The following CCNY variants were observed in gnomAD, a reference collection of about 807,000 sequenced individuals.
CCNY encodes cyclin Y, also known as cyclin-Y.
CCNY carries 19 observed loss-of-function variants against 42.8 expected under a neutral mutation model. The observed-to-expected ratio is 0.44, with a 90% CI of 0.31 to 0.65. The LOEUF is 0.65. CCNY is among the 30% of genes least tolerant of loss of function. CCNY has a pLI of 0.07. For synonymous variants in CCNY, 165 were observed against 162.7 expected, an observed-to-expected ratio of 1.01 and a Z score of -0.11; for missense variants, 370 against 437.3, an observed-to-expected ratio of 0.85 and a Z score of 1.37.
At chr10:35,274,723 T>C (rs1835217451) in intron 3 of CCNY, among the ~76,000 whole-genome samples, 2 of 152,166 alleles carry the variant, frequency 1.3e-5, no homozygotes, top group Non-Finnish European at 2.9e-5. Context: ...CTGAAATGTA[T>C]ACTGTTTCGT....
intron 3 of CCNY, among the ~76,000 whole-genome samples, chr10:35,286,370 T>G (rs1316549805): frequency 6.6e-6 from 1 of 151,832 alleles, no homozygotes; most frequent in Non-Finnish European, 1.5e-5. Context: ...TACTTTTTTT[T>G]TTTTTTGAGA....
chr10:35,475,289 G>A (rs1005727528), intron 1 of CCNY, among the ~76,000 whole-genome samples: 40 of 152,130 alleles, frequency 2.6e-4, no homozygotes, highest in African/African-American at 8.7e-4. Context: ...TACAGAGAAC[G>A]CCACAAAGAT....
intron 1 of CCNY, among the ~76,000 whole-genome samples, chr10:35,481,332 C>G (rs1240949770): frequency 6.6e-6 from 1 of 152,192 alleles, no homozygotes; most frequent in African/African-American, 2.4e-5. Context: ...GCATAGAACC[C>G]CAATCTGCAG....
chr10:35,535,010 T>C (rs1840854729), intron 7 of CCNY, among the ~76,000 whole-genome samples: 1 of 144,742 alleles, frequency 6.9e-6, no homozygotes, highest in African/African-American at 2.7e-5. Context: ...TGTGTGTGTG[T>C]GTGTGTGTGT....
At chr10:35,449,744 G>A (rs1838874887) in intron 1 of CCNY, 1 of 985,200 alleles carries the variant, frequency 1.0e-6, no homozygotes, top group Admixed American at 6.1e-5. Flanking sequence ...AGATGGCAGG[G>A]TGAGCACAAT....
intron 3 of CCNY, among the ~76,000 whole-genome samples, chr10:35,306,821 C>A (rs904970895): frequency 6.6e-6 from 1 of 152,056 alleles, no homozygotes; most frequent in African/African-American, 2.4e-5. Flanking sequence ...GTTTTTAGGA[C>A]GCTCTTTAAA....
intron 7 of CCNY, 70 bp from the exon 8 acceptor site, chr10:35,552,949 A>G (rs1200395811): frequency 7.6e-6 from 11 of 1,449,382 alleles, no homozygotes; most frequent in Non-Finnish European, 9.5e-6. Context: ...ATATTTTAGC[A>G]TTTCTTGAGG....
At chr10:35,303,288 C>G (rs1835559566) in intron 3 of CCNY, among the ~76,000 whole-genome samples, 2 of 151,878 alleles carry the variant, frequency 1.3e-5, no homozygotes, top group African/African-American at 4.8e-5. Context: ...TCAAGCAATT[C>G]TCCTGCCTCA....
At chr10:35,426,419 A>C (rs1387876765) in intron 1 of CCNY, among the ~76,000 whole-genome samples, 1 of 152,142 alleles carries the variant, frequency 6.6e-6, no homozygotes, top group East Asian at 1.9e-4. Flanking sequence ...ACCCCAGAAA[A>C]CACCACAGTT....
chr10:35,274,535 C>A (rs1156871872), intron 3 of CCNY, among the ~76,000 whole-genome samples: 1 of 152,194 alleles, frequency 6.6e-6, no homozygotes, highest in Non-Finnish European at 1.5e-5. Context: ...CTGCAAATGG[C>A]ATATGTTTTA....
At chr10:35,483,911 C>A (rs868103999) in intron 2 of CCNY, among the ~76,000 whole-genome samples, 3 of 152,180 alleles carry the variant, frequency 2.0e-5, no homozygotes, top group Admixed American at 2.0e-4. Flanking sequence ...TGAACCCATA[C>A]TGTAGGTGCA....
At chr10:35,436,230 G>T (rs1838529457) in intron 1 of CCNY, among the ~76,000 whole-genome samples, 1 of 152,160 alleles carries the variant, frequency 6.6e-6, no homozygotes, top group Non-Finnish European at 1.5e-5. Flanking sequence ...GGAAAGGCAG[G>T]GCTTTAGAAA....
chr10:35,332,374 A>G (rs1475858693), upstream of CCNY: 2 of 152,206 alleles, frequency 1.3e-5, no homozygotes, highest in Non-Finnish European at 2.9e-5. Flanking sequence ...TGACTGACTC[A>G]TATTTCATGG....
rs542504576 is a variant in CCNY at position 35,363,019 on chromosome 10, G to A, written c.154+25812G>A. On this transcript the variant is annotated intron_variant, in intron 1 of 9. Coordinates refer to ENST00000374704, the MANE Select transcript of CCNY (RefSeq NM_145012.6). ...GGCGGAGACGCTCCTCACTTCCCAG[G>A]TGGTGGGCCGCCGGCGGCCGGGCGG... is the stretch of plus-strand genomic sequence containing the variant. 7.5e-3 allele frequency among the ~76,000 whole-genome samples: 1,010 copies of A among 134,016 alleles called. 9 individuals are homozygous for A. Among genetic ancestry groups the A allele is most frequent in the African/African-American group, 0.027 (963 of 35,298 alleles). 87.9% of individuals were successfully genotyped at this position (134,016 alleles called of 152,430 possible).
intron 1 of CCNY, among the ~76,000 whole-genome samples, chr10:35,360,938 G>A (rs1836670955): frequency 6.6e-6 from 1 of 152,142 alleles, no homozygotes; most frequent in Non-Finnish European, 1.5e-5. Context: ...TCAGCTCACT[G>A]CAGCCTCTGC....
chr10:35,536,324 CCT>C (rs1271816005), intron 7 of CCNY, among the ~76,000 whole-genome samples: 2 of 152,292 alleles, frequency 1.3e-5, no homozygotes, highest in South Asian at 2.1e-4. Flanking sequence ...TCCAATTAAA[CCT>C]CTTTTTTTTC....
rs767481146 is a variant in CCNY at position 35,489,137 on chromosome 10, C to T, written c.229+5659C>T. On this transcript the variant is annotated intron_variant, in intron 2 of 9. Transcript: ENST00000374704. ...CCAAAAATACAAAAAACTAACTGGG[C>T]GTGGTGGCAGGTGCCTGTAGTCTTA... 9.9e-5 allele frequency among the ~76,000 whole-genome samples: 15 copies of T among 152,126 alleles called. No homozygotes were observed. The East Asian group carries it at 1.4e-3, about 14-fold the overall frequency.
intron 1 of CCNY, among the ~76,000 whole-genome samples, chr10:35,412,860 CAAAAAAA>C (rs10558250): frequency 0.014 from 478 of 34,738 alleles, 2 homozygotes; most frequent in East Asian, 0.1. Context: ...GACTCTGTCT[CAAAAAAA>C]AAAAAAAAAA....
chr10:35,488,287 C>T (rs1000648514), intron 2 of CCNY, among the ~76,000 whole-genome samples: 1 of 152,216 alleles, frequency 6.6e-6, no homozygotes, highest in Admixed American at 6.5e-5. Flanking sequence ...TGGCTGTCCT[C>T]ATTGGGGTCG....
Sources: gnomAD v4.1 joint callset for allele counts (sites outside exome capture counted in the v4.1 genomes callset) on GRCh38, gnomAD v4.1.1 for gene constraint, MANE v1.5 for transcripts, NCBI Gene and HGNC (gene_info 2026-07-23, HGNC 2026-07-21) for gene names.